The following DNAJC1 variants were observed in gnomAD, a reference collection of about 807,000 sequenced individuals.
The protein encoded by DNAJC1 is dnaJ homolog subfamily C member 1.
Under a neutral mutation model 76.6 loss-of-function variants are expected in DNAJC1, and 58 were observed. That is an observed-to-expected ratio of 0.76 (90% CI 0.61 to 0.94). DNAJC1 has a LOEUF of 0.94. Ranked by LOEUF, DNAJC1 falls within the 40% of genes least tolerant of loss-of-function variation. The pLI is 0.00. For synonymous variants in DNAJC1, 258 were observed against 267.9 expected (o/e 0.96, Z 0.36); for missense variants, 689 against 677.3 (o/e 1.02, Z -0.19).
intron 8 of DNAJC1, among the ~76,000 whole-genome samples, chr10:21,843,010 T>C (rs916717106): frequency 2.0e-5 from 3 of 152,262 alleles, no homozygotes; most frequent in African/African-American, 4.8e-5. Context: ...GCGAAAAGTA[T>C]GCTTGTGGAT....
chr10:21,910,777 C>A (rs1165566912), intron 6 of DNAJC1, among the ~76,000 whole-genome samples: 1 of 132,148 alleles, frequency 7.6e-6, no homozygotes, highest in African/African-American at 3.0e-5. Context: ...ATGTAACAAA[C>A]CTGTAAATTC....
At chr10:21,854,774 T>C (rs1835809191) in intron 8 of DNAJC1, among the ~76,000 whole-genome samples, 1 of 152,168 alleles carries the variant, frequency 6.6e-6, no homozygotes, top group Non-Finnish European at 1.5e-5. Flanking sequence ...ACAAAAGACC[T>C]ACTTTAAAGA....
chr10:21,964,953 T>C, intron 1 of DNAJC1, among the ~76,000 whole-genome samples: 1 of 152,158 alleles, frequency 6.6e-6, no homozygotes, highest in East Asian at 1.9e-4. Context: ...AATTTCTCCC[T>C]CTCTTCTGCA....
chr10:21,913,190 G>A (rs1836896500), intron 6 of DNAJC1, among the ~76,000 whole-genome samples: 1 of 151,750 alleles, frequency 6.6e-6, no homozygotes, highest in Non-Finnish European at 1.5e-5. Context: ...AACTTAAAAA[G>A]GTAAAAAATT....
chr10:21,973,847 A>G (rs534367140), intron 1 of DNAJC1, among the ~76,000 whole-genome samples: 2 of 152,218 alleles, frequency 1.3e-5, no homozygotes, highest in Admixed American at 6.5e-5. Context: ...TCACACCTGT[A>G]ATCCTAGCAC....
chr10:21,891,104 C>T lies in DNAJC1; in HGVS notation c.821-8665G>A, dbSNP rs1015054679. Among the ~76,000 whole-genome samples the T allele has an allele frequency of 3.9e-5, 6 of 152,050 alleles. No homozygotes were observed. The East Asian group carries it at 7.7e-4, about 20-fold the overall frequency. The stretch of plus-strand genomic sequence containing the variant: ...ACTCAGGAGGCTGAGGCAGGAGAAT[C>T]GCTTGAACCCAGGAGGCGGAGGTTG... On this transcript the variant is annotated intron_variant, in intron 7 of 11. Transcript: ENST00000376980.
intron 9 of DNAJC1, among the ~76,000 whole-genome samples, chr10:21,784,539 C>G (rs1327009092): frequency 6.6e-6 from 1 of 152,172 alleles, no homozygotes; most frequent in African/African-American, 2.4e-5. Flanking sequence ...ACCCAGCCAT[C>G]ACATTACTGG....
chr10:21,880,672 A>T (rs1004886846), intron 8 of DNAJC1, among the ~76,000 whole-genome samples: 6 of 152,200 alleles, frequency 3.9e-5, no homozygotes, highest in African/African-American at 9.6e-5. Flanking sequence ...ACCATGCCGT[A>T]AACAGATGTG....
intron 9 of DNAJC1, among the ~76,000 whole-genome samples, chr10:21,782,572 A>G (rs1352406160): frequency 3.3e-5 from 5 of 152,202 alleles, no homozygotes; most frequent in African/African-American, 1.2e-4. Flanking sequence ...TCATCCTGAT[A>G]CCAAAGCCTG....
intron 1 of DNAJC1, among the ~76,000 whole-genome samples, chr10:21,970,367 G>T (rs549990203): frequency 6.6e-6 from 1 of 151,900 alleles, no homozygotes; most frequent in East Asian, 1.9e-4. Flanking sequence ...AAACAACAAA[G>T]ATTCCACATT....
intron 8 of DNAJC1, among the ~76,000 whole-genome samples, chr10:21,825,154 C>A (rs754905088): frequency 5.9e-5 from 9 of 152,172 alleles, no homozygotes; most frequent in Non-Finnish European, 1.0e-4. Flanking sequence ...CAAGCCATCA[C>A]CACTGTCCAT....
intron 1 of DNAJC1, among the ~76,000 whole-genome samples, chr10:22,002,811 C>G (rs1194623639): frequency 6.6e-6 from 1 of 151,516 alleles, no homozygotes; most frequent in African/African-American, 2.4e-5. Flanking sequence ...AGCGGCTGCT[C>G]TTTCTCACAT....
At chr10:21,966,753 T>C (rs1837897039) in intron 1 of DNAJC1, among the ~76,000 whole-genome samples, 1 of 151,584 alleles carries the variant, frequency 6.6e-6, no homozygotes, top group Non-Finnish European at 1.5e-5. Flanking sequence ...TGGCGCGATC[T>C]TGGCTCACTG....
intron 9 of DNAJC1, among the ~76,000 whole-genome samples, chr10:21,802,024 T>C (rs1444411126): frequency 2.6e-5 from 4 of 152,078 alleles, no homozygotes; most frequent in East Asian, 1.9e-4. Flanking sequence ...AAAATAACTA[T>C]TGGGTAGTAG....
intron 8 of DNAJC1, among the ~76,000 whole-genome samples, chr10:21,813,787 A>C (rs1264269065): frequency 6.6e-6 from 1 of 152,142 alleles, no homozygotes; most frequent in East Asian, 1.9e-4. Context: ...TGAGTTACCT[A>C]AGTTCAGGAT....
At chr10:21,818,290 C>T (rs1835106121) in intron 8 of DNAJC1, among the ~76,000 whole-genome samples, 1 of 152,180 alleles carries the variant, frequency 6.6e-6, no homozygotes, top group East Asian at 1.9e-4. Flanking sequence ...CGCTCCCAGG[C>T]TTATCAGGAC....
intron 8 of DNAJC1, among the ~76,000 whole-genome samples, chr10:21,832,993 T>C (rs148300448): frequency 1.0e-3 from 155 of 152,348 alleles, no homozygotes; most frequent in African/African-American, 3.6e-3. Context: ...GTTTCTGGAA[T>C]GTTTTCCCCA....
chr10:21,903,327 A>G (rs1003914273), intron 7 of DNAJC1, among the ~76,000 whole-genome samples: 3 of 152,248 alleles, frequency 2.0e-5, no homozygotes, highest in African/African-American at 7.2e-5. Flanking sequence ...CAATTATATA[A>G]AAATGACAAG....
chr10:21,761,008 G>A (rs532758210), intron 10 of DNAJC1, among the ~76,000 whole-genome samples: 114 of 152,038 alleles, frequency 7.5e-4, no homozygotes, highest in Non-Finnish European at 9.1e-4. Flanking sequence ...GCAAAACCCC[G>A]TCTCTACTAA....
Sources: allele counts gnomAD v4.1 joint callset (sites outside exome capture counted in the v4.1 genomes callset), GRCh38; gene constraint gnomAD v4.1.1; transcripts MANE v1.5; gene names NCBI Gene and HGNC (gene_info 2026-07-23, HGNC 2026-07-21).